FRAS1: variants seen among roughly 807,000 people sequenced by gnomAD.
FRAS1 encodes the protein Fraser extracellular matrix complex subunit 1.
In FRAS1, 290 loss-of-function variants were observed where a neutral mutation model predicts 435.2. The observed-to-expected ratio is 0.67, with a 90% CI of 0.61 to 0.73. FRAS1 has a LOEUF of 0.73. FRAS1 is among the 30% of genes least tolerant of loss of function. The pLI, the probability that FRAS1 is intolerant of heterozygous loss-of-function variation, is 0.00. For synonymous variants in FRAS1, 1,800 were observed against 1,851.0 expected (o/e 0.97, Z 0.71); for missense variants, 4,860 against 5,001.5 (o/e 0.97, Z 0.85).
chr4:78,479,918 T>C (rs543398504), intron 56 of FRAS1, among the ~76,000 whole-genome samples, 200 bp downstream of exon 56: 1 of 152,340 alleles, frequency 6.6e-6, no homozygotes, highest in African/African-American at 2.4e-5. Flanking sequence ...CCACTTTTCT[T>C]ACTCTGATTT....
chr4:78,476,225 T>A (rs1719848352), intron 54 of FRAS1, among the ~76,000 whole-genome samples: 1 of 152,148 alleles, frequency 6.6e-6, no homozygotes, highest in Admixed American at 6.5e-5. Flanking sequence ...GTATAAATTG[T>A]CTTAGAAAGA....
chr4:78,188,427 AT>A, intron 2 of FRAS1, among the ~76,000 whole-genome samples: 1 of 152,266 alleles, frequency 6.6e-6, no homozygotes, highest in Non-Finnish European at 1.5e-5. Flanking sequence ...ATTTCAGGGA[AT>A]TGGCTCATCT....
At chr4:78,328,790 C>G (rs1206591684) in intron 18 of FRAS1, among the ~76,000 whole-genome samples, 2 of 152,098 alleles carry the variant, frequency 1.3e-5, no homozygotes, top group Admixed American at 1.3e-4. Flanking sequence ...CACCAAAGGG[C>G]TACTTAAAAA....
Position 78,481,880 on chromosome 4 carries a change from C to G in FRAS1, c.8520C>G (p.Pro2840=), listed in dbSNP as rs567215968. The change falls in exon 57 of 74, where the codon CCC becomes CCG. Residue 2840 remains proline, a synonymous_variant. Transcript: ENST00000512123. The stretch of plus-strand genomic sequence containing the variant: ...CATCTGTCTGGTGTGCAACGCGGCC[C>G]TCAGACCCAGCTTCTGCCACACCAG... The part of the protein sequence containing the change: ...TFASVWCATR[P]SDPASATPGV... The G allele has an allele frequency of 1.2e-6, 2 of 1,613,910 alleles. No individual in the cohort carries two copies. The highest frequency in any genetic ancestry group is 2.7e-5 in the African/African-American group (2 of 75,020).
intron 2 of FRAS1, among the ~76,000 whole-genome samples, chr4:78,066,796 T>C (rs951212632): frequency 2.0e-5 from 3 of 152,248 alleles, no homozygotes. Context: ...ATGTGTGATA[T>C]TGATAAGTCA....
rs921825906 is a variant in FRAS1, at chr4:78,267,237, C to T, written c.790-4C>T. 1 of 1,613,156 alleles carries T rather than the reference C, an allele frequency of 6.2e-7. No homozygotes were observed. The highest frequency in any genetic ancestry group is 8.5e-7 in the Non-Finnish European group (1 of 1,179,558). On this transcript the variant is annotated splice_region_variant and splice_polypyrimidine_tract_variant and intron_variant, in intron 8 of 73. Coordinates refer to ENST00000512123, the MANE Select transcript of FRAS1 (RefSeq NM_025074.7). ...TGCCCCTCACCTTCCTCTCTGTGTC[C>T]TAGGGTCAGAGCAGGGCTCGGCGTC... is the stretch of plus-strand genomic sequence containing the variant.
chr4:78,326,149 A>G (rs976528658), intron 18 of FRAS1, among the ~76,000 whole-genome samples: 1 of 56,274 alleles, frequency 1.8e-5, no homozygotes, highest in African/African-American at 1.5e-4. Context: ...CACATTTTAT[A>G]AAGATCGTCT....
At chr4:78,121,396 G>A (rs1408838040) in intron 2 of FRAS1, among the ~76,000 whole-genome samples, 1 of 152,126 alleles carries the variant, frequency 6.6e-6, no homozygotes, top group Non-Finnish European at 1.5e-5. Context: ...GCACTAAGAG[G>A]GGCCTCTGTA....
chr4:78,103,632 G>A (rs1259905127), intron 2 of FRAS1, among the ~76,000 whole-genome samples: 2 of 152,144 alleles, frequency 1.3e-5, no homozygotes, highest in African/African-American at 4.8e-5. Flanking sequence ...ATTAGATGAC[G>A]AGGGAAGAGC....
intron 28 of FRAS1, among the ~76,000 whole-genome samples, chr4:78,384,465 A>G (rs1304331816): frequency 6.6e-6 from 1 of 152,234 alleles, no homozygotes; most frequent in African/African-American, 2.4e-5. Context: ...AGAAGGCGAC[A>G]TAACATGTCT....
At chr4:78,444,503 T>C (rs1718723562) in intron 41 of FRAS1, among the ~76,000 whole-genome samples, 1 of 152,234 alleles carries the variant, frequency 6.6e-6, no homozygotes, top group Non-Finnish European at 1.5e-5. Flanking sequence ...CAAAGGGTCA[T>C]GGAGAAGGGA....
At chr4:78,475,647 C>A in intron 54 of FRAS1, 41 bp downstream of exon 54, 8 of 1,487,594 alleles carry the variant, frequency 5.4e-6, no homozygotes, top group Non-Finnish European at 6.3e-6. Context: ...CCAGCAAGGG[C>A]TGTGACATGG....
chr4:78,144,512 T>TA (rs1327233714), intron 2 of FRAS1, among the ~76,000 whole-genome samples: 7 of 152,176 alleles, frequency 4.6e-5, no homozygotes, highest in Admixed American at 3.3e-4. Context: ...TTTAAAAAGA[T>TA]ACAAGTACTT....
chr4:78,135,648 T>C (rs1719888044), intron 2 of FRAS1, among the ~76,000 whole-genome samples: 1 of 152,082 alleles, frequency 6.6e-6, no homozygotes, highest in African/African-American at 2.4e-5. Flanking sequence ...TTATTTGGAG[T>C]ATGCTAAGGA....
chr4:78,144,436 T>C (rs918628575), intron 2 of FRAS1, among the ~76,000 whole-genome samples: 1 of 151,092 alleles, frequency 6.6e-6, no homozygotes, highest in African/African-American at 2.4e-5. Context: ...TTCTCATTTT[T>C]CTTATTTTAA....
intron 15 of FRAS1, among the ~76,000 whole-genome samples, chr4:78,312,839 GAA>G (rs1465231700): frequency 8.2e-6 from 1 of 121,246 alleles, no homozygotes; most frequent in Non-Finnish European, 1.7e-5. Flanking sequence ...CTGAAAGAAA[GAA>G]AAAGAAAGAA....
chr4:78,516,785 A>C (rs996964187), intron 66 of FRAS1, among the ~76,000 whole-genome samples: 2 of 152,234 alleles, frequency 1.3e-5, no homozygotes, highest in Non-Finnish European at 2.9e-5. Flanking sequence ...AGAACTCACT[A>C]TCACAAGAAC....
intron 2 of FRAS1, among the ~76,000 whole-genome samples, chr4:78,197,072 T>A (rs138639027): frequency 6.6e-6 from 1 of 152,356 alleles, no homozygotes; most frequent in East Asian, 1.9e-4. Flanking sequence ...TTGTAAACAT[T>A]TGTAAAAATT....
intron 47 of FRAS1, among the ~76,000 whole-genome samples, chr4:78,456,800 C>G (rs988625521): frequency 1.3e-5 from 2 of 152,164 alleles, no homozygotes; most frequent in Admixed American, 6.5e-5. Flanking sequence ...GTCTAAAAGG[C>G]CAGTTGTGGA....
Sources: gnomAD v4.1 joint callset for allele counts (sites outside exome capture counted in the v4.1 genomes callset) on GRCh38, gnomAD v4.1.1 for gene constraint, MANE v1.5 for transcripts, NCBI Gene and HGNC (gene_info 2026-07-23, HGNC 2026-07-21) for gene names.